Variants in NPAS3 observed in about 807,000 individuals in gnomAD.
NPAS3 encodes neuronal PAS domain protein 3, also known as neuronal PAS domain-containing protein 3.
A neutral mutation model predicts 73.1 loss-of-function variants in NPAS3; 14 were observed. That is an observed-to-expected ratio of 0.19 (90% CI 0.13 to 0.30). The LOEUF is 0.30. Among genes scored for constraint, NPAS3 ranks in the 10% least tolerant of loss-of-function variants. NPAS3 has a pLI of 1.00. For missense variants in NPAS3, 1,096 were observed against 1,250.0 expected, an observed-to-expected ratio of 0.88 and a Z score of 1.86; for synonymous variants, 620 against 541.5, an observed-to-expected ratio of 1.14 and a Z score of -2.01.
chr14:33,578,790 G>A (rs947727220), intron 5 of NPAS3, among the ~76,000 whole-genome samples: 21 of 152,100 alleles, frequency 1.4e-4, no homozygotes, highest in Non-Finnish European at 3.1e-4. Context: ...TGGTTTTACT[G>A]GCCCAATTTA....
chr14:33,578,808 T>G (rs182674331), intron 5 of NPAS3, among the ~76,000 whole-genome samples: 4 of 152,296 alleles, frequency 2.6e-5, no homozygotes, highest in Admixed American at 2.6e-4. Context: ...TTATTCATCA[T>G]CTAATGAAAC....
intron 5 of NPAS3, among the ~76,000 whole-genome samples, chr14:33,570,441 T>C (rs1179211644): frequency 1.3e-5 from 2 of 152,226 alleles, no homozygotes; most frequent in East Asian, 1.9e-4. Context: ...TACACATCCC[T>C]GAGGACAGAA....
rs1056345680 is a variant in NPAS3 at position 33,226,973 on chromosome 14, T to C, written c.385+11547T>C. ...AAATAGATGAATACTATCCAGGTTT[T>C]TACAAGAATTTTAGCATAAAAGCAA... On this transcript the variant is annotated intron_variant, in intron 3 of 11. Transcript: ENST00000356141. Among the ~76,000 whole-genome samples the C allele has an allele frequency of 7.2e-5, 11 of 152,330 alleles. No individual in the cohort carries two copies. In the East Asian group the frequency reaches 2.1e-3, roughly 29 times the overall value.
At chr14:32,998,252 G>C (rs771595821) in intron 1 of NPAS3, among the ~76,000 whole-genome samples, 1 of 152,144 alleles carries the variant, frequency 6.6e-6, no homozygotes, top group African/African-American at 2.4e-5. Flanking sequence ...TCGAAACCAC[G>C]CTAAGTGAAA....
intron 1 of NPAS3, among the ~76,000 whole-genome samples, chr14:33,026,240 C>T (rs908392564): frequency 1.3e-5 from 2 of 152,192 alleles, no homozygotes; most frequent in African/African-American, 4.8e-5. Context: ...CTGTCAGGTC[C>T]CAGCCTAGAT....
At chr14:33,094,351 CTGTTT>C (rs1384622872) in intron 2 of NPAS3, among the ~76,000 whole-genome samples, 2 of 151,920 alleles carry the variant, frequency 1.3e-5, no homozygotes, top group African/African-American at 4.8e-5. Context: ...AAAATATCTT[CTGTTT>C]TATTTATGGT....
intron 7 of NPAS3, among the ~76,000 whole-genome samples, chr14:33,772,326 C>A (rs1262994183): frequency 6.6e-6 from 1 of 152,056 alleles, no homozygotes; most frequent in Non-Finnish European, 1.5e-5. Flanking sequence ...CAACTTTGAC[C>A]CCCTTCAATA....
chr14:33,283,624 A>G (rs1461723787), intron 3 of NPAS3, among the ~76,000 whole-genome samples: 23 of 152,224 alleles, frequency 1.5e-4, no homozygotes, highest in Non-Finnish European at 2.9e-4. Flanking sequence ...GACTCTTCAC[A>G]AACTATTGGA....
At chr14:33,156,057 A>G (rs996213348) in intron 2 of NPAS3, among the ~76,000 whole-genome samples, 1 of 152,206 alleles carries the variant, frequency 6.6e-6, no homozygotes, top group Non-Finnish European at 1.5e-5. Context: ...GGCCTAGGTG[A>G]TGAAGTCTAT....
intron 9 of NPAS3, among the ~76,000 whole-genome samples, chr14:33,783,357 C>T (rs933432927): frequency 3.3e-5 from 5 of 152,166 alleles, no homozygotes; most frequent in African/African-American, 1.2e-4. Flanking sequence ...GCAACCTGGT[C>T]ATTGGCTGGA....
chr14:33,556,055 G>A (rs2055343934), intron 4 of NPAS3, among the ~76,000 whole-genome samples: 1 of 152,076 alleles, frequency 6.6e-6, no homozygotes, highest in African/African-American at 2.4e-5. Flanking sequence ...CCAGGAAATT[G>A]GAACATGTGT....
chr14:33,312,575 G>C (rs2043046298), intron 3 of NPAS3, among the ~76,000 whole-genome samples: 1 of 151,998 alleles, frequency 6.6e-6, no homozygotes, highest in East Asian at 1.9e-4. Context: ...TAACTATAGA[G>C]CTATCATTTG....
At chr14:33,456,485 GT>G (rs1208002806) in intron 4 of NPAS3, among the ~76,000 whole-genome samples, 1 of 152,158 alleles carries the variant, frequency 6.6e-6, no homozygotes, top group Non-Finnish European at 1.5e-5. Flanking sequence ...AGCATTTAGT[GT>G]TTTCATTTAC....
At chr14:33,794,407 C>A (rs1314241333) in intron 10 of NPAS3, among the ~76,000 whole-genome samples, 1 of 152,190 alleles carries the variant, frequency 6.6e-6, no homozygotes, top group African/African-American at 2.4e-5. Context: ...CACACACACA[C>A]TCACACACTC....
intron 3 of NPAS3, among the ~76,000 whole-genome samples, chr14:33,220,121 T>A (rs749372484): frequency 6.6e-6 from 1 of 152,224 alleles, no homozygotes; most frequent in Non-Finnish European, 1.5e-5. Context: ...ACCCAGACTG[T>A]ACACCTTAGC....
intron 1 of NPAS3, among the ~76,000 whole-genome samples, chr14:33,037,839 T>A (rs1315756869): frequency 6.6e-6 from 1 of 152,230 alleles, no homozygotes; most frequent in East Asian, 1.9e-4. Flanking sequence ...TCTCAGTTGT[T>A]TTACTCTATT....
At chr14:33,522,798 G>T (rs1305926374) in intron 4 of NPAS3, among the ~76,000 whole-genome samples, 1 of 152,140 alleles carries the variant, frequency 6.6e-6, no homozygotes, top group Admixed American at 6.5e-5. Context: ...TTACACATAT[G>T]TTTTGTGCTT....
At chr14:32,957,863 T>C (rs2036744035) in intron 1 of NPAS3, among the ~76,000 whole-genome samples, 2 of 152,206 alleles carry the variant, frequency 1.3e-5, no homozygotes, top group Non-Finnish European at 2.9e-5. Flanking sequence ...GTAAGCATTA[T>C]GGGCTTACAG....
chr14:33,732,703 A>G (rs1284560326), intron 6 of NPAS3, among the ~76,000 whole-genome samples: 1 of 152,188 alleles, frequency 6.6e-6, no homozygotes, highest in Non-Finnish European at 1.5e-5. Flanking sequence ...TATCAGCTTC[A>G]CTGAGGCAAA....
Sources: allele counts gnomAD v4.1 joint callset (sites outside exome capture counted in the v4.1 genomes callset), GRCh38; gene constraint gnomAD v4.1.1; transcripts MANE v1.5; gene names NCBI Gene and HGNC (gene_info 2026-07-23, HGNC 2026-07-21).